The following ZFAND3 variants were observed in gnomAD, a reference collection of about 807,000 sequenced individuals.
The protein encoded by ZFAND3 is AN1-type zinc finger protein 3.
A neutral mutation model predicts 29.6 loss-of-function variants in ZFAND3; 10 were observed. The observed-to-expected ratio is 0.34, with a 90% CI of 0.21 to 0.57. The LOEUF (loss-of-function observed/expected upper bound fraction) is 0.57. Among genes scored for constraint, ZFAND3 ranks in the 20% least tolerant of loss-of-function variants. ZFAND3 has a pLI of 0.86. For synonymous variants in ZFAND3, 128 were observed against 112.6 expected (o/e 1.14, Z -0.87); for missense variants, 230 against 304.5 (o/e 0.76, Z 1.82).
chr6:37,857,466 A>G (rs1358482429), intron 1 of ZFAND3, among the ~76,000 whole-genome samples: 1 of 152,214 alleles, frequency 6.6e-6, no homozygotes, highest in Non-Finnish European at 1.5e-5. Context: ...TTAAAGAAAA[A>G]AAAAATTAGA....
intron 2 of ZFAND3, among the ~76,000 whole-genome samples, chr6:37,971,520 A>G (rs1221042449): frequency 6.6e-6 from 1 of 152,186 alleles, no homozygotes; most frequent in Non-Finnish European, 1.5e-5. Context: ...CTCTTCATTC[A>G]TTCTAGTCAG....
At chr6:38,140,599 C>T (rs1363737943) in intron 5 of ZFAND3, among the ~76,000 whole-genome samples, 1 of 152,152 alleles carries the variant, frequency 6.6e-6, no homozygotes, top group Non-Finnish European at 1.5e-5. Flanking sequence ...AAGTGATCCT[C>T]CTGCCTCAGC....
chr6:38,082,551 C>CT (rs1276172295), intron 4 of ZFAND3, 94 bp downstream of exon 4: 2 of 1,183,688 alleles, frequency 1.7e-6, no homozygotes, highest in East Asian at 2.5e-5. Context: ...TCAGGGTACT[C>CT]TGATTTCTTC....
intron 4 of ZFAND3, among the ~76,000 whole-genome samples, chr6:38,090,084 C>G (rs1241539539): frequency 1.3e-5 from 2 of 152,186 alleles, no homozygotes; most frequent in African/African-American, 4.8e-5. Flanking sequence ...AACTCCTGAC[C>G]TCAAGTAATC....
chr6:37,831,656 A>G (rs1311776667), intron 1 of ZFAND3, among the ~76,000 whole-genome samples: 2 of 152,214 alleles, frequency 1.3e-5, no homozygotes, highest in Non-Finnish European at 2.9e-5. Context: ...TGAGCTAGAT[A>G]TGAAAGACGA....
At chr6:38,051,044 G>A (rs568082618) in intron 2 of ZFAND3, among the ~76,000 whole-genome samples, 1 of 152,226 alleles carries the variant, frequency 6.6e-6, no homozygotes, top group East Asian at 1.9e-4. Context: ...GGTAGGAATA[G>A]CCCCTTAAGT....
At chr6:37,831,960 A>G (rs1763869831) in intron 1 of ZFAND3, among the ~76,000 whole-genome samples, 1 of 152,216 alleles carries the variant, frequency 6.6e-6, no homozygotes, top group Non-Finnish European at 1.5e-5. Flanking sequence ...AATATGTTTC[A>G]AAAAAGTTAA....
intron 5 of ZFAND3, among the ~76,000 whole-genome samples, chr6:38,149,154 A>G (rs566163774): frequency 7.2e-5 from 11 of 152,128 alleles, no homozygotes; most frequent in Non-Finnish European, 1.3e-4. Flanking sequence ...AATCCCAGCA[A>G]TCCAGCACTT....
At chr6:38,045,075 TTTA>T (rs1561978640) in intron 2 of ZFAND3, among the ~76,000 whole-genome samples, 1 of 143,414 alleles carries the variant, frequency 7.0e-6, no homozygotes, top group African/African-American at 2.5e-5. Flanking sequence ...TATTTATTTA[TTTA>T]TTTATTTATT....
intron 2 of ZFAND3, among the ~76,000 whole-genome samples, chr6:37,981,493 G>C (rs1762578988): frequency 6.6e-6 from 1 of 152,166 alleles, no homozygotes; most frequent in African/African-American, 2.4e-5. Context: ...AGGGTATTGT[G>C]ATTTTTGGTC....
chr6:38,034,513 A>G (rs1370952321), intron 2 of ZFAND3, among the ~76,000 whole-genome samples: 1 of 152,224 alleles, frequency 6.6e-6, no homozygotes, highest in Non-Finnish European at 1.5e-5. Flanking sequence ...CAGAGGGAGC[A>G]CATCATGTGT....
At chr6:37,958,990 A>G (rs1008967805) in intron 2 of ZFAND3, among the ~76,000 whole-genome samples, 2 of 152,198 alleles carry the variant, frequency 1.3e-5, no homozygotes, top group African/African-American at 2.4e-5. Context: ...TTTATCACCA[A>G]CATCTTTCCT....
intron 5 of ZFAND3, among the ~76,000 whole-genome samples, chr6:38,147,633 C>T (rs1429804864): frequency 3.3e-5 from 5 of 152,192 alleles, no homozygotes; most frequent in Non-Finnish European, 7.4e-5. Context: ...GCATCCTCGC[C>T]AGGATCTGTT....
At chr6:38,099,942 A>G (rs1169303010) in intron 4 of ZFAND3, among the ~76,000 whole-genome samples, 2 of 152,234 alleles carry the variant, frequency 1.3e-5, no homozygotes, top group Non-Finnish European at 2.9e-5. Context: ...ATTTTGAATG[A>G]GAGGTGTTAG....
At chr6:38,141,257 C>T (rs1335065563) in intron 5 of ZFAND3, among the ~76,000 whole-genome samples, 5 of 152,220 alleles carry the variant, frequency 3.3e-5, no homozygotes, top group Non-Finnish European at 7.3e-5. Context: ...ATTCCTTTCT[C>T]CTGCTCTTCC....
At chr6:37,973,724 G>A (rs1436480437) in intron 2 of ZFAND3, among the ~76,000 whole-genome samples, 2 of 152,234 alleles carry the variant, frequency 1.3e-5, no homozygotes, top group African/African-American at 2.4e-5. Context: ...TCCTGAAGCT[G>A]AAGAAGGCCT....
chr6:38,020,426 G>A (rs917837463), intron 2 of ZFAND3, among the ~76,000 whole-genome samples: 7 of 152,040 alleles, frequency 4.6e-5, no homozygotes, highest in Middle Eastern at 3.4e-3. Flanking sequence ...AAAAAATACT[G>A]TGCTTTAGTA....
intron 2 of ZFAND3, among the ~76,000 whole-genome samples, chr6:38,019,126 A>G (rs769237561): frequency 5.9e-5 from 9 of 151,968 alleles, no homozygotes; most frequent in Non-Finnish European, 1.2e-4. Context: ...CGCCCAGCTG[A>G]TGTTTGTATT....
chr6:38,024,681 TATGTC>T (rs1232983877), intron 2 of ZFAND3, among the ~76,000 whole-genome samples: 1 of 152,150 alleles, frequency 6.6e-6, no homozygotes, highest in African/African-American at 2.4e-5. Flanking sequence ...CAAAAACATT[TATGTC>T]AAGTAAAAGA....
Sources: gnomAD v4.1 joint callset for allele counts (sites outside exome capture counted in the v4.1 genomes callset) on GRCh38, gnomAD v4.1.1 for gene constraint, MANE v1.5 for transcripts, NCBI Gene and HGNC (gene_info 2026-07-23, HGNC 2026-07-21) for gene names.